MYO16: variants seen among roughly 807,000 people sequenced by gnomAD.
MYO16 encodes myosin XVI.
MYO16 carries 94 observed loss-of-function variants against 205.3 expected under a neutral mutation model. That is an observed-to-expected ratio of 0.46 (90% CI 0.39 to 0.54). The LOEUF is 0.54. Ranked by LOEUF, MYO16 falls within the 20% of genes least tolerant of loss-of-function variation. The pLI, the probability that MYO16 is intolerant of heterozygous loss-of-function variation, is 0.00. For missense variants in MYO16, 2,315 were observed against 2,387.5 expected, an observed-to-expected ratio of 0.97 and a Z score of 0.63; for synonymous variants, 988 against 954.0, an observed-to-expected ratio of 1.04 and a Z score of -0.66.
intron 2 of MYO16, among the ~76,000 whole-genome samples, chr13:108,674,775 A>C (rs1882130991): frequency 6.6e-6 from 1 of 152,200 alleles, no homozygotes; most frequent in Non-Finnish European, 1.5e-5. Flanking sequence ...TTGACATGGA[A>C]TGTATGTAGA....
chr13:108,896,854 C>T (rs1307006117), intron 14 of MYO16, among the ~76,000 whole-genome samples: 1 of 152,010 alleles, frequency 6.6e-6, no homozygotes, highest in African/African-American at 2.4e-5. Flanking sequence ...CCCTTGTAAT[C>T]CCAGCTACTC....
At chr13:108,859,324 ACCAAAAC>A (rs1878347205) in intron 11 of MYO16, among the ~76,000 whole-genome samples, 1 of 152,142 alleles carries the variant, frequency 6.6e-6, no homozygotes, top group Non-Finnish European at 1.5e-5. Flanking sequence ...GACTTCCTCA[ACCAAAAC>A]CCTAATTTTA....
intron 12 of MYO16, among the ~76,000 whole-genome samples, chr13:108,877,183 T>C (rs1298084296): frequency 6.6e-6 from 1 of 152,258 alleles, no homozygotes; most frequent in East Asian, 1.9e-4. Flanking sequence ...AATTGTTTTA[T>C]AAATGCTCTT....
At chr13:108,861,728 T>G (rs1269493543) in intron 11 of MYO16, among the ~76,000 whole-genome samples, 4 of 152,222 alleles carry the variant, frequency 2.6e-5, no homozygotes, top group Non-Finnish European at 5.9e-5. Flanking sequence ...AATATGTGTT[T>G]GTTGTTCATT....
rs1159402308 is a variant in MYO16, at chr13:108,636,348, TTTTTTTTTTTTTTTTTTTTTTTG to T, written c.28+6478_28+6500del. 2.4e-3 allele frequency among the ~76,000 whole-genome samples: 53 copies of T among 21,818 alleles called. 1 individual carries two copies. In the East Asian group the frequency reaches 0.068, roughly 28 times the overall value. The allele number at this position is 21,818 out of a possible 152,430, so 14.3% of individuals were successfully genotyped here. On this transcript the variant is annotated intron_variant, in intron 1 of 34. Transcript: ENST00000457511. ...GTCTTAAATGAAAAAATATTTCCCT[TTTTTTTTTTTTTTTTTTTTTTTG>T]TGTGTGTGTGTGTGTGTGTGTGTGT... is the stretch of plus-strand genomic sequence containing the variant.
At chr13:109,082,559 G>T (rs1888312568) in intron 27 of MYO16, among the ~76,000 whole-genome samples, 1 of 152,156 alleles carries the variant, frequency 6.6e-6, no homozygotes, top group African/African-American at 2.4e-5. Context: ...AGCAGGCTAG[G>T]TGCAGTGGCT....
At chr13:108,786,395 A>G (rs1052955497) in intron 5 of MYO16, among the ~76,000 whole-genome samples, 1 of 152,228 alleles carries the variant, frequency 6.6e-6, no homozygotes, top group South Asian at 2.1e-4. Flanking sequence ...TGAGCACAAT[A>G]TAGTATTAAA....
At chr13:108,535,232 T>C in the MYO16 span, among the ~76,000 whole-genome samples, 1 of 152,164 alleles carries the variant, frequency 6.6e-6, no homozygotes, top group African/African-American at 2.4e-5. Context: ...CAGCTCTCAG[T>C]TCTATTCACT....
At chr13:108,840,215 T>C (rs1468247945) in intron 9 of MYO16, among the ~76,000 whole-genome samples, 1 of 152,206 alleles carries the variant, frequency 6.6e-6, no homozygotes, top group Non-Finnish European at 1.5e-5. Context: ...TAAAACACTA[T>C]AAAACATCAT....
At chr13:108,968,116 C>T (rs1480413035) in intron 20 of MYO16, among the ~76,000 whole-genome samples, 2 of 152,192 alleles carry the variant, frequency 1.3e-5, no homozygotes, top group Admixed American at 1.3e-4. Flanking sequence ...CCTTGGTCTC[C>T]CGCACACAGA....
At chr13:109,160,932 G>A (rs896116876) in intron 32 of MYO16, among the ~76,000 whole-genome samples, 1 of 152,172 alleles carries the variant, frequency 6.6e-6, no homozygotes, top group Non-Finnish European at 1.5e-5. Context: ...GAATGCTTTT[G>A]ACAAGGAATG....
the MYO16 span, among the ~76,000 whole-genome samples, chr13:108,538,322 A>G: frequency 5.3e-5 from 8 of 152,154 alleles, no homozygotes; most frequent in Middle Eastern, 3.2e-3. Flanking sequence ...GAGACTAGAA[A>G]GATCACTGAG....
At chr13:108,537,579 T>A in the MYO16 span, among the ~76,000 whole-genome samples, 1 of 152,146 alleles carries the variant, frequency 6.6e-6, no homozygotes, top group South Asian at 2.1e-4. Context: ...CTCCATACTG[T>A]TTTCCATAGA....
chr13:108,992,097 T>C (rs1421570464), intron 20 of MYO16, among the ~76,000 whole-genome samples: 1 of 152,204 alleles, frequency 6.6e-6, no homozygotes, highest in African/African-American at 2.4e-5. Flanking sequence ...GACAAAGGTC[T>C]AATATCCAGC....
chr13:109,062,006 C>G (rs1887608552), intron 27 of MYO16, among the ~76,000 whole-genome samples: 2 of 152,046 alleles, frequency 1.3e-5, no homozygotes, highest in African/African-American at 4.8e-5. Flanking sequence ...CCTTTGTTAG[C>G]TACGTGAATA....
At chr13:108,805,458 A>C (rs1887085357) in intron 6 of MYO16, among the ~76,000 whole-genome samples, 1 of 152,108 alleles carries the variant, frequency 6.6e-6, no homozygotes, top group Non-Finnish European at 1.5e-5. Flanking sequence ...TTTGACTTTA[A>C]TTTTGTCTTT....
At chr13:108,865,446 AAATT>A (rs1406401151) in intron 11 of MYO16, among the ~76,000 whole-genome samples, 1 of 152,002 alleles carries the variant, frequency 6.6e-6, no homozygotes, top group Non-Finnish European at 1.5e-5. Flanking sequence ...CATTTTCTAT[AAATT>A]AATTATTTCC....
At chr13:108,862,539 C>A (rs1479521316) in intron 11 of MYO16, among the ~76,000 whole-genome samples, 1 of 152,124 alleles carries the variant, frequency 6.6e-6, no homozygotes, top group Non-Finnish European at 1.5e-5. Context: ...AAACAGGTGA[C>A]CCCAGGGAGT....
intron 9 of MYO16, among the ~76,000 whole-genome samples, chr13:108,829,206 G>T (rs1177822037): frequency 6.6e-6 from 1 of 152,196 alleles, no homozygotes; most frequent in Non-Finnish European, 1.5e-5. Context: ...ATCAGAGTTT[G>T]ATGATGATAG....
Sources: gnomAD v4.1 joint callset for allele counts (sites outside exome capture counted in the v4.1 genomes callset) on GRCh38, gnomAD v4.1.1 for gene constraint, MANE v1.5 for transcripts, NCBI Gene and HGNC (gene_info 2026-07-23, HGNC 2026-07-21) for gene names.